The following CNNM1 variants were observed in gnomAD, a reference collection of about 807,000 sequenced individuals.
CNNM1 encodes the protein cyclin and CBS domain divalent metal cation transport mediator 1, also known as metal transporter CNNM1.
CNNM1 carries 44 observed loss-of-function variants against 78.8 expected under a neutral mutation model. The observed-to-expected ratio is 0.56, with a 90% CI of 0.44 to 0.72. CNNM1 has a LOEUF of 0.72. Among genes scored for constraint, CNNM1 ranks in the 30% least tolerant of loss-of-function variants. The pLI is 0.00. For missense variants in CNNM1, 1,101 were observed against 1,292.2 expected, an observed-to-expected ratio of 0.85 and a Z score of 2.27; for synonymous variants, 584 against 581.5, an observed-to-expected ratio of 1.00 and a Z score of -0.06.
chr10:99,391,461 C>T lies in CNNM1; in HGVS notation c.2801C>T (p.Pro934Leu), dbSNP rs1374540537. 1 of 1,613,920 alleles carries T rather than the reference C, an allele frequency of 6.2e-7. No homozygotes were observed. Among genetic ancestry groups the T allele is most frequent in the Non-Finnish European group, 8.5e-7 (1 of 1,179,850 alleles). The change falls in exon 11 of 11, where the codon CCA (proline) becomes CTA (leucine). Residue 934 changes from proline (P) to leucine (L), a missense_variant. Coordinates refer to ENST00000356713, the MANE Select transcript of CNNM1 (RefSeq NM_020348.3). ...TLSGQKRKRS[P>L]EGERTSEDNS... ...GGTGGCCAAAAAAGGAAGAGGTCACCAGAAGGAGAGAGAACCTCTGAGGAC... is the reference window on the plus strand; with the variant it reads ...GGTGGCCAAAAAAGGAAGAGGTCACTAGAAGGAGAGAGAACCTCTGAGGAC...
intron 1 of CNNM1, among the ~76,000 whole-genome samples, chr10:99,334,903 T>C (rs927286211): frequency 2.0e-5 from 3 of 152,200 alleles, no homozygotes; most frequent in African/African-American, 7.2e-5. Context: ...TAACTACATT[T>C]TACAGATGAA....
chr10:99,390,969 C>T lies in CNNM1; in HGVS notation c.2777-468C>T, dbSNP rs532686910. On this transcript the variant is annotated intron_variant, in intron 10 of 10. Coordinates refer to ENST00000356713, the MANE Select transcript of CNNM1 (RefSeq NM_020348.3). ...CAACTATGTAATTATGCCCACCTGC[C>T]CCACTGCAGAAGGGAGGTTGCTTCA... 2.1e-4 allele frequency among the ~76,000 whole-genome samples: 32 copies of T among 152,332 alleles called. No individual in the cohort carries two copies. The South Asian group carries it at 6.2e-3, about 30-fold the overall frequency.
At position 99,391,651 on chromosome 10, in the gene CNNM1, C is replaced by T; in HGVS notation, c.*135C>T. On this transcript the variant is annotated 3_prime_UTR_variant, in exon 11 of 11. Transcript: ENST00000356713. ...CTGCCTTCCCTTCCATCTCTTCACC[C>T]CTAGCTGTCAGTTTGGCAGATTTTC... 1.4e-6 allele frequency: 1 copy of T among 708,990 alleles called. No individual in the cohort carries two copies. Among genetic ancestry groups the T allele is most frequent in the South Asian group, 1.9e-5 (1 of 53,152 alleles). The allele number at this position is 708,990 out of a possible 1,614,324, so 43.9% of individuals were successfully genotyped here.
chr10:99,340,851 C>G (rs979869990), intron 1 of CNNM1, among the ~76,000 whole-genome samples: 1 of 99,558 alleles, frequency 1.0e-5, no homozygotes. Context: ...TTCTCTTTCT[C>G]TCCTTCCCCG....
At chr10:99,381,244 C>T (rs958222113) in intron 7 of CNNM1, among the ~76,000 whole-genome samples, 1 of 151,048 alleles carries the variant, frequency 6.6e-6, no homozygotes, top group Non-Finnish European at 1.5e-5. Flanking sequence ...AACCCTGTCT[C>T]TACTAAAAAT....
chr10:99,375,425 A>G (rs922078956), intron 6 of CNNM1, among the ~76,000 whole-genome samples: 1 of 152,192 alleles, frequency 6.6e-6, no homozygotes, highest in Non-Finnish European at 1.5e-5. Context: ...AGGGAGCGGC[A>G]GGAGTCAAGG....
At chr10:99,340,717 C>T (rs980159247) in intron 1 of CNNM1, among the ~76,000 whole-genome samples, 1 of 151,458 alleles carries the variant, frequency 6.6e-6, no homozygotes, top group African/African-American at 2.4e-5. Context: ...CTCTCTCTTC[C>T]CTCCTTCATT....
intron 1 of CNNM1, among the ~76,000 whole-genome samples, chr10:99,356,065 T>C (rs1214558439): frequency 6.6e-6 from 1 of 152,118 alleles, no homozygotes; most frequent in East Asian, 1.9e-4. Context: ...TTTATTATGC[T>C]CACAGATTCT....
At chr10:99,348,571 G>C (rs1291222190) in intron 1 of CNNM1, among the ~76,000 whole-genome samples, 1 of 152,132 alleles carries the variant, frequency 6.6e-6, no homozygotes, top group African/African-American at 2.4e-5. Context: ...TTGACATAAA[G>C]GAAAGATAAA....
In CNNM1 at chr10:99,329,750, C is replaced by T. The variant is rs764768249; in HGVS notation, c.363C>T (p.Ser121=). 2.0e-6 allele frequency: 3 copies of T among 1,501,996 alleles called. No homozygotes were observed. Among genetic ancestry groups the T allele is most frequent in the East Asian group, 5.4e-5 (2 of 37,162 alleles). 93.0% of individuals were successfully genotyped at this position (1,501,996 alleles called of 1,614,324 possible). ...EPPGGGGVAP[S]AVPTRPPGPQ... ...CGGGCGGTGGCGGCGTGGCCCCCAG[C>T]GCGGTCCCCACTCGCCCCCCGGGAC... is the stretch of plus-strand genomic sequence containing the variant. Residue 121 remains serine (S), a synonymous_variant, in exon 1 of 11, where the codon AGC becomes AGT. Coordinates refer to ENST00000356713, the MANE Select transcript of CNNM1 (RefSeq NM_020348.3).
At chr10:99,380,594 C>T (rs1426350976) in intron 7 of CNNM1, among the ~76,000 whole-genome samples, 1 of 152,010 alleles carries the variant, frequency 6.6e-6, no homozygotes, top group Non-Finnish European at 1.5e-5. Flanking sequence ...AGTTTGTGAC[C>T]AGCCTGGACA....
intron 1 of CNNM1, among the ~76,000 whole-genome samples, chr10:99,343,920 A>G (rs1240500144): frequency 3.3e-5 from 5 of 149,498 alleles, no homozygotes; most frequent in African/African-American, 1.2e-4. Context: ...ATGGGGTTTC[A>G]CCATATTGGC....
intron 2 of CNNM1, among the ~76,000 whole-genome samples, chr10:99,360,172 G>C (rs563269857): frequency 6.6e-6 from 1 of 152,236 alleles, no homozygotes; most frequent in African/African-American, 2.4e-5. Flanking sequence ...TATTTCCCCT[G>C]ATTCCCTCCC....
intron 1 of CNNM1, among the ~76,000 whole-genome samples, chr10:99,341,799 G>C (rs2030471103): frequency 1.3e-5 from 2 of 152,154 alleles, no homozygotes; most frequent in Non-Finnish European, 1.5e-5. Context: ...ACATAATTTT[G>C]TTTCCTTCAA....
intron 1 of CNNM1, among the ~76,000 whole-genome samples, chr10:99,354,866 C>T (rs1239407729): frequency 6.6e-6 from 1 of 152,024 alleles, no homozygotes; most frequent in Non-Finnish European, 1.5e-5. Context: ...AACTAATGAG[C>T]CTGGACTTGA....
At chr10:99,369,042 C>G (rs2031721064) in intron 6 of CNNM1, among the ~76,000 whole-genome samples, 2 of 152,286 alleles carry the variant, frequency 1.3e-5, no homozygotes, top group South Asian at 4.1e-4. Flanking sequence ...TACCTATTTT[C>G]TTTCTACCTT....
rs530212308 is a variant in CNNM1, at chr10:99,330,708, A to C, written c.1321A>C (p.Met441Leu). The change falls in exon 1 of 11, where the codon ATG becomes CTG. Residue 441 changes from methionine to leucine, a missense_variant. Physicochemically the swap from Met to Leu is conservative, Grantham distance 15 (BLOSUM62 2). This residue lies in a region of CNNM1 where 277 missense variants were observed against 423.2 expected (regional missense o/e 0.65). Transcript: ENST00000356713. ...EVLTPLGDCF[M>L]LRSDAVLDFA... is the part of the protein sequence containing the mutation. Reference sequence around the variant, plus strand: ...GCTGACCCCCCTGGGAGACTGCTTCATGCTGCGCTCAGACGCGGTGCTCGA... The same window carrying C: ...GCTGACCCCCCTGGGAGACTGCTTCCTGCTGCGCTCAGACGCGGTGCTCGA... 1.2e-6 allele frequency: 2 copies of C among 1,613,992 alleles called. No homozygotes were observed. The highest frequency in any genetic ancestry group is 2.2e-5 in the South Asian group (2 of 91,090).
chr10:99,362,010 C>T (rs1352780821), intron 3 of CNNM1, among the ~76,000 whole-genome samples: 1 of 152,218 alleles, frequency 6.6e-6, no homozygotes, highest in African/African-American at 2.4e-5. Flanking sequence ...AGTGCAGGGA[C>T]ACACATCTCC....
At chr10:99,341,963 C>T (rs1366402706) in intron 1 of CNNM1, among the ~76,000 whole-genome samples, 1 of 152,102 alleles carries the variant, frequency 6.6e-6, no homozygotes, top group African/African-American at 2.4e-5. Context: ...TTATTTTATG[C>T]TGTATTCCCT....
Sources: gnomAD v4.1 joint callset for allele counts (sites outside exome capture counted in the v4.1 genomes callset) on GRCh38, gnomAD v4.1.1 for gene constraint, gnomAD v4.1.1 regional missense constraint, MANE v1.5 for transcripts, NCBI Gene and HGNC (gene_info 2026-07-23, HGNC 2026-07-21) for gene names.